The following CADPS2 variants were observed in gnomAD, a reference collection of about 807,000 sequenced individuals.
CADPS2 encodes calcium-dependent secretion activator 2.
Under a neutral mutation model 172.5 loss-of-function variants are expected in CADPS2, and 93 were observed. That is an observed-to-expected ratio of 0.54 (90% CI 0.46 to 0.64). CADPS2 has a LOEUF of 0.64. CADPS2 is among the 30% of genes least tolerant of loss of function. The pLI is 0.00. For synonymous variants in CADPS2, 546 were observed against 555.2 expected (o/e 0.98, Z 0.23); for missense variants, 1,420 against 1,565.9 (o/e 0.91, Z 1.57).
intron 2 of CADPS2, among the ~76,000 whole-genome samples, chr7:122,719,239 A>C (rs934749879): frequency 6.6e-6 from 1 of 151,920 alleles, no homozygotes; most frequent in African/African-American, 2.4e-5. Context: ...TGAGGAAAGG[A>C]AGAAAGTGAG....
In CADPS2 at chr7:122,437,270, G is replaced by A. The variant is rs548906546; in HGVS notation, c.2476+1071C>T. ...AAGGAGGTTTCATGTTGTTACTCTC[G>A]TGATATAATGTTGGTTGTTATGGTG... is the stretch of plus-strand genomic sequence containing the variant. On this transcript the variant is annotated intron_variant, in intron 17 of 29. Coordinates refer to ENST00000449022, the MANE Select transcript of CADPS2 (RefSeq NM_017954.11). Among the ~76,000 whole-genome samples the A allele has an allele frequency of 6.6e-5, 10 of 152,160 alleles. No individual in the cohort carries two copies. In the South Asian group the frequency reaches 1.0e-3, roughly 16 times the overall value.
intron 17 of CADPS2, among the ~76,000 whole-genome samples, chr7:122,426,961 C>T (rs2151858314): frequency 6.6e-6 from 1 of 152,236 alleles, no homozygotes; most frequent in South Asian, 2.1e-4. Flanking sequence ...CTTCTGGATA[C>T]CTTTTAGAAA....
At chr7:122,450,972 C>A in intron 15 of CADPS2, among the ~76,000 whole-genome samples, 1 of 152,128 alleles carries the variant, frequency 6.6e-6, no homozygotes, top group East Asian at 1.9e-4. Flanking sequence ...ACAATAAATG[C>A]TCAAAGACTT....
chr7:122,605,836 A>T (rs529538121), intron 6 of CADPS2, among the ~76,000 whole-genome samples: 1 of 152,110 alleles, frequency 6.6e-6, no homozygotes, highest in Non-Finnish European at 1.5e-5. Flanking sequence ...ATTTCTTCCA[A>T]TTAGTTCATG....
At chr7:122,588,706 G>C (rs931341042) in intron 6 of CADPS2, among the ~76,000 whole-genome samples, 1 of 151,938 alleles carries the variant, frequency 6.6e-6, no homozygotes, top group South Asian at 2.1e-4. Context: ...ACTTTAACTA[G>C]GTCTAAGGTC....
Position 122,701,865 on chromosome 7 carries a change from G to C in CADPS2, c.453+35090C>G, listed in dbSNP as rs760581780. ...TTCAGGATGTCACACTTGCACATGG[G>C]ACATGTCCTATGGGCTAAAAGCCAG... On this transcript the variant is annotated intron_variant, in intron 2 of 29. Coordinates refer to ENST00000449022, the MANE Select transcript of CADPS2 (RefSeq NM_017954.11). 3.7e-6 allele frequency: 6 copies of C among 1,611,352 alleles called. No homozygotes were observed. The Admixed American group carries it at 1.0e-4, about 27-fold the overall frequency.
At chr7:122,851,075 C>T (rs1267008261) in intron 1 of CADPS2, among the ~76,000 whole-genome samples, 1 of 152,192 alleles carries the variant, frequency 6.6e-6, no homozygotes, top group East Asian at 1.9e-4. Context: ...GTTATAATTA[C>T]TAATATTTCA....
intron 20 of CADPS2, among the ~76,000 whole-genome samples, chr7:122,393,912 C>T (rs1028742662): frequency 3.9e-5 from 6 of 152,044 alleles, no homozygotes; most frequent in African/African-American, 1.4e-4. Flanking sequence ...TGCCAGCTCC[C>T]CTGAAGGTCC....
chr7:122,662,550 A>G (rs745652361), intron 3 of CADPS2, among the ~76,000 whole-genome samples: 13 of 151,794 alleles, frequency 8.6e-5, no homozygotes, highest in East Asian at 1.9e-4. Context: ...TAATTTTTCT[A>G]TTTTTAGTAG....
chr7:122,824,738 TTC>T (rs1454225081), intron 1 of CADPS2, among the ~76,000 whole-genome samples: 2 of 152,240 alleles, frequency 1.3e-5, no homozygotes, highest in African/African-American at 2.4e-5. Flanking sequence ...TTTTAATTGT[TTC>T]TCAGTTTTGA....
chr7:122,721,252 C>G (rs1429443211), intron 2 of CADPS2, among the ~76,000 whole-genome samples: 4 of 151,988 alleles, frequency 2.6e-5, no homozygotes, highest in African/African-American at 9.7e-5. Context: ...AATCCAGGAA[C>G]TGCTTGTTTG....
chr7:122,681,766 C>T (rs927389704), intron 2 of CADPS2: 44 of 525,794 alleles, frequency 8.4e-5, no homozygotes, highest in African/African-American at 8.0e-4. Flanking sequence ...AAAAAAACAA[C>T]ATCTAAAAAA....
intron 17 of CADPS2, among the ~76,000 whole-genome samples, chr7:122,422,894 G>C (rs1281204375): frequency 2.0e-5 from 3 of 152,106 alleles, no homozygotes; most frequent in African/African-American, 7.2e-5. Context: ...GGGAGGCAGA[G>C]GTTGCAGTGA....
At chr7:122,561,662 C>T (rs548502270) in intron 7 of CADPS2, among the ~76,000 whole-genome samples, 2 of 152,220 alleles carry the variant, frequency 1.3e-5, no homozygotes, top group African/African-American at 4.8e-5. Context: ...CACATAGAGT[C>T]ACTTAAATGA....
intron 1 of CADPS2, among the ~76,000 whole-genome samples, chr7:122,850,642 C>T (rs1813310765): frequency 6.6e-6 from 1 of 152,214 alleles, no homozygotes; most frequent in South Asian, 2.1e-4. Flanking sequence ...GGTCAGCTCC[C>T]TTCTCTGTAG....
chr7:122,611,904 C>T (rs1238240806), intron 6 of CADPS2, among the ~76,000 whole-genome samples: 1 of 152,008 alleles, frequency 6.6e-6, no homozygotes, highest in Non-Finnish European at 1.5e-5. Context: ...GTTCATTTAA[C>T]ACCTGAAAAT....
intron 25 of CADPS2, among the ~76,000 whole-genome samples, chr7:122,371,439 C>T (rs2041749395): frequency 6.6e-6 from 1 of 152,116 alleles, no homozygotes; most frequent in Admixed American, 6.5e-5. Flanking sequence ...GGGGAAATGC[C>T]AGATGCTTAT....
intron 1 of CADPS2, among the ~76,000 whole-genome samples, chr7:122,796,735 A>G (rs1369210638): frequency 1.3e-5 from 2 of 152,052 alleles, no homozygotes; most frequent in African/African-American, 2.4e-5. Context: ...AAAGACTTAC[A>G]TGTAAAATCC....
intron 25 of CADPS2, among the ~76,000 whole-genome samples, chr7:122,365,832 A>G (rs1308949828): frequency 1.3e-5 from 2 of 152,214 alleles, no homozygotes; most frequent in Admixed American, 1.3e-4. Context: ...AGGCATGTGC[A>G]TTTACATTTC....
Sources: gnomAD v4.1 joint callset for allele counts (sites outside exome capture counted in the v4.1 genomes callset) on GRCh38, gnomAD v4.1.1 for gene constraint, MANE v1.5 for transcripts, NCBI Gene and HGNC (gene_info 2026-07-23, HGNC 2026-07-21) for gene names.